Variants in NCOR2 observed in about 807,000 individuals in gnomAD.
NCOR2 encodes CTG repeat protein 26.
A neutral mutation model predicts 262.9 loss-of-function variants in NCOR2; 81 were observed. The observed-to-expected ratio is 0.31, with a 90% CI of 0.26 to 0.37. The LOEUF (loss-of-function observed/expected upper bound fraction) is 0.37. Ranked by LOEUF, NCOR2 falls within the 10% of genes least tolerant of loss-of-function variation. NCOR2 has a pLI of 1.00. For missense variants in NCOR2, 3,385 were observed against 3,621.4 expected, an observed-to-expected ratio of 0.93 and a Z score of 1.68; for synonymous variants, 1,659 against 1,559.3, an observed-to-expected ratio of 1.06 and a Z score of -1.51.
chr12:124,339,219 A>T (rs56117563), intron 37 of NCOR2, among the ~76,000 whole-genome samples: 26,143 of 63,076 alleles, frequency 0.41, 5,254 homozygotes, highest in East Asian at 0.61. Context: ...TCTACCTACC[A>T]CCCACCCACC....
At chr12:124,472,297 G>GTTTGT (rs2046869632) in intron 4 of NCOR2, among the ~76,000 whole-genome samples, 1 of 152,150 alleles carries the variant, frequency 6.6e-6, no homozygotes, top group Non-Finnish European at 1.5e-5. Context: ...CTTTTTCTCC[G>GTTTGT]CTTGTCTTTG....
upstream of NCOR2, chr12:124,538,312 G>A (rs1285600398): frequency 6.6e-6 from 1 of 152,478 alleles, no homozygotes; most frequent in African/African-American, 2.4e-5. Context: ...GGTCCAAAGA[G>A]GGGTTCCCAA....
intron 13 of NCOR2, among the ~76,000 whole-genome samples, chr12:124,418,438 C>T (rs1565925151): frequency 6.6e-6 from 1 of 150,736 alleles, no homozygotes; most frequent in Non-Finnish European, 1.5e-5. Flanking sequence ...GTCTCAACAC[C>T]TTATGGGTCT....
intron 1 of NCOR2, among the ~76,000 whole-genome samples, chr12:124,515,808 G>A (rs561315687): frequency 5.0e-4 from 76 of 152,260 alleles, no homozygotes; most frequent in African/African-American, 1.4e-3. Flanking sequence ...GAGTGTGCGC[G>A]TATTTAGTTC....
chr12:124,479,087 G>GAGGC (rs1212863833), intron 3 of NCOR2, among the ~76,000 whole-genome samples: 1 of 151,822 alleles, frequency 6.6e-6, no homozygotes, highest in African/African-American at 2.4e-5. Flanking sequence ...ACGTGCTGGA[G>GAGGC]AGGCGGGCAG....
chr12:124,370,884 T>A (rs1443587106), intron 20 of NCOR2, among the ~76,000 whole-genome samples: 2 of 152,134 alleles, frequency 1.3e-5, no homozygotes, highest in East Asian at 3.9e-4. Context: ...GGGGAACCTC[T>A]GCACCTGTGA....
exon 24 of NCOR2, chr12:124,355,514 G>C: frequency 6.2e-7 from 1 of 1,607,320 alleles, no homozygotes; most frequent in Non-Finnish European, 8.5e-7. Context: ...GGAGATGGTG[G>C]GTGGGCGCGG....
chr12:124,530,217 A>C (rs1177114363), intron 1 of NCOR2: 2 of 151,552 alleles, frequency 1.3e-5, no homozygotes, highest in African/African-American at 2.4e-5. Flanking sequence ...TAAAATGATA[A>C]TTTTATTATA....
Position 124,344,898 on chromosome 12 carries a change from G to A in NCOR2, c.4413C>T (p.His1471=), listed in dbSNP as rs2036783690. The A allele has an allele frequency of 3.8e-6, 6 of 1,578,744 alleles. No individual in the cohort carries two copies. The African/African-American group carries it at 4.0e-5, about 11-fold the overall frequency. ...GGCTGCCGATGAGGGAGCGTACGTCGTGCTTTTTGGAGCCAGTGGTGGACG... is the reference window on the plus strand; with the variant it reads ...GGCTGCCGATGAGGGAGCGTACGTCATGCTTTTTGGAGCCAGTGGTGGACG... Residue 1471 remains histidine (H), a synonymous_variant, in exon 32 of 47, where the codon CAC becomes CAT. Transcript: ENST00000405201.
Position 124,557,531 on chromosome 12 carries a change from A to G in NCOR2, c.-165+9777T>C, listed in dbSNP as rs117458145. 5.2e-4 allele frequency among the ~76,000 whole-genome samples: 79 copies of G among 152,214 alleles called. 4 individuals carry two copies. The East Asian group carries it at 0.015, about 29-fold the overall frequency. On this transcript the variant is annotated intron_variant, in intron 1 of 32. Coordinates refer to the NCOR2 transcript ENST00000458234. ...TTAGGGCCCACCCTGCTCCAGGATG[A>G]CCTCTTCTTAATTAAACGCATCCAC...
intron 13 of NCOR2, among the ~76,000 whole-genome samples, chr12:124,406,760 A>AAG (rs2042299558): frequency 6.6e-6 from 1 of 152,174 alleles, no homozygotes; most frequent in Non-Finnish European, 1.5e-5. Flanking sequence ...CCAAAGCCCC[A>AAG]AGAGACACCT....
At position 124,469,033 on chromosome 12, in the gene NCOR2, C is replaced by G. The variant is rs145153489; in HGVS notation, c.592-2747G>C. 6.1e-5 allele frequency among the ~76,000 whole-genome samples: 9 copies of G among 148,586 alleles called. 1 individual carries two copies. The highest frequency in any genetic ancestry group is 4.1e-4 in the Admixed American group (6 of 14,762). ...TCATCCTCATCTGTCCATGTATGAA[C>G]CCCCTCCTCCTAACACAGTTGGAAA... On this transcript the variant is annotated intron_variant, in intron 4 of 46. Coordinates refer to ENST00000405201, the Ensembl canonical transcript of NCOR2.
intron 16 of NCOR2, chr12:124,388,707 C>G (rs2136130964): frequency 3.1e-6 from 4 of 1,304,472 alleles, no homozygotes; most frequent in South Asian, 1.2e-5. Flanking sequence ...GCGTCTCCCC[C>G]TCGGCCAAGT....
intron 45 of NCOR2, 145 bp from the exon 48 acceptor site, chr12:124,326,515 G>C: frequency 1.3e-6 from 1 of 790,452 alleles, no homozygotes; most frequent in Non-Finnish European, 1.8e-6. Context: ...CCTCCTCCCT[G>C]CTGCCCGCCC....
At chr12:124,402,666 A>G in intron 13 of NCOR2, 105 bp from the exon 16 acceptor site, 1 of 1,523,484 alleles carries the variant, frequency 6.6e-7, no homozygotes, top group Non-Finnish European at 8.8e-7. Context: ...AGGAGGAGGA[A>G]AACCCGTGGA....
chr12:124,412,078 C>G (rs1414972315), intron 13 of NCOR2, among the ~76,000 whole-genome samples: 1 of 152,256 alleles, frequency 6.6e-6, no homozygotes, highest in East Asian at 1.9e-4. Context: ...CGCCTCCAGC[C>G]GGCCACAAGG....
rs373080226 is a variant in NCOR2 at position 124,494,688 on chromosome 12, T to C, written c.105+459A>G. The stretch of plus-strand genomic sequence containing the variant: ...TGTGGGGCCTCCTCACCTCAGAGCC[T>C]CGAGCCGCACCAAGGTGAATACACA... On this transcript the variant is annotated intron_variant, in intron 1 of 46. Transcript: ENST00000405201. Among the ~76,000 whole-genome samples, 8 of 151,978 alleles carry C rather than the reference T, an allele frequency of 5.3e-5. No homozygotes were observed. The East Asian group carries it at 1.6e-3, about 30-fold the overall frequency.
At chr12:124,354,398 G>T in intron 26 of NCOR2, 80 bp downstream of exon 28, 1 of 1,313,614 alleles carries the variant, frequency 7.6e-7, no homozygotes, top group Non-Finnish European at 1.0e-6. Context: ...ACACTTCCCA[G>T]CAGGTTTTGA....
chr12:124,484,863 C>G (rs1432229297), intron 2 of NCOR2, among the ~76,000 whole-genome samples: 1 of 152,232 alleles, frequency 6.6e-6, no homozygotes, highest in Non-Finnish European at 1.5e-5. Flanking sequence ...CATGGCTGTC[C>G]CCAGGTACTG....
Sources: allele counts gnomAD v4.1 joint callset (sites outside exome capture counted in the v4.1 genomes callset), GRCh38; gene constraint gnomAD v4.1.1; transcripts MANE v1.5; gene names NCBI Gene and HGNC (gene_info 2026-07-23, HGNC 2026-07-21).